The following EDRF1 variants were observed in gnomAD, a reference collection of about 807,000 sequenced individuals.
The protein encoded by EDRF1 is erythroid differentiation regulatory factor 1.
A neutral mutation model predicts 148.7 loss-of-function variants in EDRF1; 69 were observed. The observed-to-expected ratio is 0.46, with a 90% CI of 0.38 to 0.57. The LOEUF is 0.57. Ranked by LOEUF, EDRF1 falls within the 20% of genes least tolerant of loss-of-function variation. The pLI is 0.00. For missense variants in EDRF1, 1,118 were observed against 1,478.7 expected, an observed-to-expected ratio of 0.76 and a Z score of 4.00; for synonymous variants, 515 against 532.8, an observed-to-expected ratio of 0.97 and a Z score of 0.46.
At chr10:125,724,570 C>A (rs1848162784) in intron 4 of EDRF1, among the ~76,000 whole-genome samples, 1 of 152,188 alleles carries the variant, frequency 6.6e-6, no homozygotes, top group African/African-American at 2.4e-5. Flanking sequence ...CACACCAGGA[C>A]AAAATCACCT....
chr10:125,720,816 A>G (rs921735638), intron 1 of EDRF1, among the ~76,000 whole-genome samples: 3 of 151,840 alleles, frequency 2.0e-5, no homozygotes, highest in African/African-American at 7.2e-5. Flanking sequence ...GTCTCAAAAA[A>G]AAAAAAAAAA....
chr10:125,734,263 T>C, intron 12 of EDRF1, 80 bp downstream of exon 12: 10 of 1,082,096 alleles, frequency 9.2e-6, no homozygotes, highest in African/African-American at 1.5e-5. Flanking sequence ...TAAAGCCTCC[T>C]GATTCATATT....
Position 125,734,146 on chromosome 10 carries a change from A to C in EDRF1, c.1460A>C (p.Asn487Thr). ...GGAACTATTAGAACATTGCTTCTTA[A>C]TTGTCTGAAATTACTGGACAAAAGT... Reference protein sequence around the residue: ...HYGTIRTLLLNCLKLLDKSRH... With the variant: ...HYGTIRTLLLTCLKLLDKSRH... Residue 487 changes from asparagine to threonine, a missense_variant, in exon 12 of 25, where the codon AAT becomes ACT. Asn to Thr is a moderately conservative substitution (Grantham distance 65, BLOSUM62 0). This residue lies in a region of EDRF1 where 954 missense variants were observed against 1,241.4 expected (regional missense o/e 0.77). Transcript: ENST00000356792. 1 of 1,613,026 alleles carries C rather than the reference A, an allele frequency of 6.2e-7. No individual in the cohort carries two copies. Among genetic ancestry groups the C allele is most frequent in the East Asian group, 2.2e-5 (1 of 44,824 alleles).
At chr10:125,751,649 G>A (rs925815873) in intron 22 of EDRF1, among the ~76,000 whole-genome samples, 2 of 152,114 alleles carry the variant, frequency 1.3e-5, no homozygotes, top group African/African-American at 2.4e-5. Context: ...CCGCAGAGTC[G>A]GGGAGTCCCC....
intron 18 of EDRF1, among the ~76,000 whole-genome samples, chr10:125,744,225 T>C (rs1168947260): frequency 6.7e-6 from 1 of 148,442 alleles, no homozygotes; most frequent in Non-Finnish European, 1.5e-5. Flanking sequence ...GTTTCTTTTT[T>C]TTTTTTTTTT....
chr10:125,727,776 C>CAT (rs1164805297), intron 6 of EDRF1, among the ~76,000 whole-genome samples: 43 of 152,138 alleles, frequency 2.8e-4, no homozygotes, highest in Non-Finnish European at 2.6e-4. Flanking sequence ...GTCTTGGGTT[C>CAT]TGTTGAGGCA....
chr10:125,748,594 C>CG (rs1849488188), intron 21 of EDRF1: 3 of 167,160 alleles, frequency 1.8e-5, no homozygotes, highest in South Asian at 3.0e-4. Context: ...TGATTTTCCC[C>CG]CCCCGTAAGG....
chr10:125,756,380 A>G (rs1849897535), intron 24 of EDRF1, among the ~76,000 whole-genome samples: 1 of 152,220 alleles, frequency 6.6e-6, no homozygotes, highest in African/African-American at 2.4e-5. Flanking sequence ...CACATGTTCC[A>G]TGTGTACTTG....
Position 125,762,668 on chromosome 10 carries a change from T to G in EDRF1, c.3546-633T>G, listed in dbSNP as rs139956364. Among the ~76,000 whole-genome samples the G allele has an allele frequency of 5.3e-5, 8 of 152,314 alleles. No homozygotes were observed. The East Asian group carries it at 1.5e-3, about 29-fold the overall frequency. Reference sequence around the variant, plus strand: ...AGTACTCTTCAGCTGAGGGGCAGTCTTCACACAGAATTGCACTGACATTTT... The same window carrying G: ...AGTACTCTTCAGCTGAGGGGCAGTCGTCACACAGAATTGCACTGACATTTT... On this transcript the variant is annotated intron_variant, in intron 24 of 24. Transcript: ENST00000356792.
chr10:125,725,930 T>A, intron 6 of EDRF1, 92 bp downstream of exon 6: 2 of 1,333,252 alleles, frequency 1.5e-6, no homozygotes, highest in Non-Finnish European at 2.1e-6. Context: ...TGAACAGGAC[T>A]AAGAAATATT....
At position 125,741,058 on chromosome 10, in the gene EDRF1, A is replaced by G. The variant is rs749388088; in HGVS notation, c.2228A>G (p.Gln743Arg). The G allele has an allele frequency of 1.2e-6, 2 of 1,614,066 alleles. No individual in the cohort carries two copies. Among genetic ancestry groups the G allele is most frequent in the Non-Finnish European group, 1.7e-6 (2 of 1,180,028 alleles). ...MLSEVLLFLS[Q>R]YLTLCGDIQL... ...TCCGAAGTGCTGTTGTTTCTCTCTC[A>G]ATATTTGACACTTTGTGGTGATATC... is the stretch of plus-strand genomic sequence containing the variant. The change falls in exon 17 of 25, where the codon CAA (glutamine) becomes CGA (arginine). Residue 743 changes from glutamine to arginine, a missense_variant. This residue lies in a region of EDRF1 where 954 missense variants were observed against 1,241.4 expected (regional missense o/e 0.77). Coordinates refer to ENST00000356792, the MANE Select transcript of EDRF1 (RefSeq NM_001202438.2).
At chr10:125,748,877 C>T (rs1849508788) in intron 21 of EDRF1, 2 of 192,524 alleles carry the variant, frequency 1.0e-5, no homozygotes, top group South Asian at 2.0e-4. Context: ...GCTGCATTGT[C>T]TTGGCACCCT....
In EDRF1 at chr10:125,743,273, C is replaced by G. The variant is rs746380286; in HGVS notation, c.2587C>G (p.Leu863Val). ...NQAAALQSER[L>V]VSKSVSAAEQ... ...GGCTGCTGCATTACAGAGTGAGAGA[C>G]TAGGTGAGTATCTCTTTAGATTCCT... Residue 863 changes from leucine to valine, a missense_variant, in exon 18 of 25, where the codon CTA becomes GTA. Coordinates refer to ENST00000356792, the MANE Select transcript of EDRF1 (RefSeq NM_001202438.2). The G allele has an allele frequency of 6.2e-7, 1 of 1,611,434 alleles. No individual in the cohort carries two copies. The highest frequency in any genetic ancestry group is 1.3e-5 in the African/African-American group (1 of 74,842).
chr10:125,729,588 C>T, intron 8 of EDRF1, 109 bp downstream of exon 8: 1 of 1,389,994 alleles, frequency 7.2e-7, no homozygotes, highest in Non-Finnish European at 1.0e-6. Context: ...TGCTACCGCA[C>T]TCCAGCCTAG....
chr10:125,742,066 A>G (rs1169566767), intron 17 of EDRF1, among the ~76,000 whole-genome samples: 5 of 152,246 alleles, frequency 3.3e-5, no homozygotes, highest in Admixed American at 3.3e-4. Flanking sequence ...TAACAAAGCC[A>G]TAGGTTTCCT....
Position 125,738,365 on chromosome 10 carries a change from T to G in EDRF1, c.1901T>G (p.Ile634Ser). ...DLPAADPSTP[I>S]PLKYEDESSR... ...CCAGCAGCTGACCCCAGCACTCCAA[T>G]CCCGTTAAAATATGAAGATGAATCC... is the stretch of plus-strand genomic sequence containing the variant. Residue 634 changes from isoleucine (I) to serine (S), a missense_variant, in exon 15 of 25, where the codon ATC becomes AGC. Physicochemically the swap from Ile to Ser is moderately radical, Grantham distance 142. This residue lies in a region of EDRF1 where 954 missense variants were observed against 1,241.4 expected (regional missense o/e 0.77). Coordinates refer to ENST00000356792, the MANE Select transcript of EDRF1 (RefSeq NM_001202438.2). 1 of 1,614,046 alleles carries G rather than the reference T, an allele frequency of 6.2e-7. No individual in the cohort carries two copies. Among genetic ancestry groups the G allele is most frequent in the Non-Finnish European group, 8.5e-7 (1 of 1,179,998 alleles).
chr10:125,756,670 A>G, intron 24 of EDRF1: 1 of 328,532 alleles, frequency 3.0e-6, no homozygotes, highest in East Asian at 9.9e-5. Context: ...CCTTATTACT[A>G]CAGATGTCCG....
chr10:125,737,921 A>G lies in EDRF1; in HGVS notation c.1762A>G (p.Ser588Gly). Reference protein sequence around the residue: ...KYKSIHQIRPSCAFPVCHDTE... With the variant: ...KYKSIHQIRPGCAFPVCHDTE... ...AATTTTATGTTTGTTCCTCAAGCCC[A>G]GTTGTGCATTTCCAGTTTGCCATGA... Residue 588 changes from serine to glycine, a missense_variant, in exon 14 of 25, where the codon AGT (serine) becomes GGT (glycine). Ser to Gly is a moderately conservative substitution (Grantham distance 56). Coordinates refer to ENST00000356792, the MANE Select transcript of EDRF1 (RefSeq NM_001202438.2). 1 of 1,613,842 alleles carries G rather than the reference A, an allele frequency of 6.2e-7. No homozygotes were observed. Among genetic ancestry groups the G allele is most frequent in the East Asian group, 2.2e-5 (1 of 44,862 alleles).
intron 13 of EDRF1, among the ~76,000 whole-genome samples, chr10:125,736,150 T>C (rs569632680): frequency 1.3e-5 from 2 of 152,172 alleles, no homozygotes; most frequent in Non-Finnish European, 2.9e-5. Context: ...TGTGAAGGAT[T>C]TTCCTTTCCA....
Sources: gnomAD v4.1 joint callset for allele counts (sites outside exome capture counted in the v4.1 genomes callset) on GRCh38, gnomAD v4.1.1 for gene constraint, gnomAD v4.1.1 regional missense constraint, MANE v1.5 for transcripts, NCBI Gene and HGNC (gene_info 2026-07-23, HGNC 2026-07-21) for gene names.